The following PABPC1 variants were observed in gnomAD, a reference collection of about 807,000 sequenced individuals.
PABPC1 encodes polyadenylate-binding protein 1.
Under a neutral mutation model 74.0 loss-of-function variants are expected in PABPC1, and 4 were observed. The observed-to-expected ratio is 0.05, with a 90% confidence interval of 0.03 to 0.12. The LOEUF (loss-of-function observed/expected upper bound fraction) is 0.12, where lower values mean the gene tolerates loss of function less well. Among genes scored for constraint, PABPC1 ranks in the 10% least tolerant of loss-of-function variants. The pLI, the probability that PABPC1 is intolerant of heterozygous loss-of-function variation, is 1.00. For synonymous variants in PABPC1, 227 were observed against 264.1 expected (o/e 0.86, Z 1.36); for missense variants, 271 against 821.1 (o/e 0.33, Z 8.19).
rs1299242602 is a variant in PABPC1, at chr8:100,704,499, G to GA, written c.1819-110dup. On this transcript the variant is annotated intron_variant, in intron 13 of 14. Transcript: ENST00000318607. ...CAAAGATAAGTTTCTTCCCTCAAATGAAAGTATAAATTGTTACACTAAACA... is the reference window on the plus strand; with the variant it reads ...CAAAGATAAGTTTCTTCCCTCAAATGAAAAGTATAAATTGTTACACTAAACA... 20 of 940,232 alleles carry GA rather than the reference G, an allele frequency of 2.1e-5. No individual in the cohort carries two copies. In the Admixed American group the frequency reaches 2.3e-4, roughly 11 times the overall value. 58.2% of individuals were successfully genotyped at this position (940,232 alleles called of 1,614,324 possible).
At chr8:100,718,365 T>G in intron 1 of PABPC1, 85 bp from the exon 2 acceptor site, 1 of 1,071,390 alleles carries the variant, frequency 9.3e-7, no homozygotes, top group South Asian at 1.5e-5. Flanking sequence ...GTGACTGGAG[T>G]GGGAGGACAC....
chr8:100,719,249 A>T (rs1587169667), intron 1 of PABPC1, among the ~76,000 whole-genome samples: 1 of 152,282 alleles, frequency 6.6e-6, no homozygotes, highest in East Asian at 1.9e-4. Flanking sequence ...ATTCCATGCC[A>T]ATGTAAATTT....
chr8:100,710,578 T>C (rs1360480196), intron 7 of PABPC1, among the ~76,000 whole-genome samples: 1 of 152,228 alleles, frequency 6.6e-6, no homozygotes, highest in Non-Finnish European at 1.5e-5. Context: ...AAATGCCAGG[T>C]AGATTCTGAA....
chr8:100,718,721 A>C (rs970327203), intron 1 of PABPC1, among the ~76,000 whole-genome samples: 1 of 152,224 alleles, frequency 6.6e-6, no homozygotes, highest in Non-Finnish European at 1.5e-5. Flanking sequence ...ACTTCTTCCC[A>C]ACTACTTGCT....
At chr8:100,706,121 A>G (rs991188853) in intron 11 of PABPC1, among the ~76,000 whole-genome samples, 2 of 152,174 alleles carry the variant, frequency 1.3e-5, no homozygotes, top group African/African-American at 4.8e-5. Context: ...CTGGGATTAC[A>G]TAGAGGTGTG....
At chr8:100,704,164 T>C (rs1810320903) in intron 14 of PABPC1, 133 bp downstream of exon 14, 2 of 715,190 alleles carry the variant, frequency 2.8e-6, no homozygotes, top group Non-Finnish European at 2.4e-6. Context: ...CACTTTTCCT[T>C]GAAAAATTAG....
intron 3 of PABPC1, 65 bp downstream of exon 3, chr8:100,717,708 T>A: frequency 1.0e-6 from 1 of 961,428 alleles, no homozygotes; most frequent in Non-Finnish European, 1.6e-6. Context: ...TAACTTAAAA[T>A]GAATGGATTT....
intron 3 of PABPC1, among the ~76,000 whole-genome samples, chr8:100,716,326 G>A (rs1252259496): frequency 2.6e-5 from 4 of 152,128 alleles, no homozygotes; most frequent in African/African-American, 9.7e-5. Context: ...GCTAGAACCC[G>A]GGAGGCAGAG....
At chr8:100,713,775 T>C (rs76693677) in intron 4 of PABPC1, among the ~76,000 whole-genome samples, 7,580 of 152,234 alleles carry the variant, frequency 0.05, 625 homozygotes, top group African/African-American at 0.17. Context: ...GCATGAGCTA[T>C]TGTGCTAAGA....
At chr8:100,716,295 G>A (rs1207293832) in intron 3 of PABPC1, among the ~76,000 whole-genome samples, 1 of 152,148 alleles carries the variant, frequency 6.6e-6, no homozygotes, top group Non-Finnish European at 1.5e-5. Context: ...CACCTACTTG[G>A]GAGGCTGAAG....
intron 1 of PABPC1, among the ~76,000 whole-genome samples, chr8:100,720,733 C>T (rs1038997374): frequency 6.6e-6 from 1 of 152,174 alleles, no homozygotes; most frequent in Non-Finnish European, 1.5e-5. Context: ...GGGGAAACCC[C>T]AAATGCATGT....
At chr8:100,713,054 C>T in intron 5 of PABPC1, 33 bp downstream of exon 5, 1 of 1,431,544 alleles carries the variant, frequency 7.0e-7, no homozygotes, top group Non-Finnish European at 9.7e-7. Context: ...CAACTTTGTA[C>T]CCCCTTCTTC....
Position 100,717,893 on chromosome 8 carries a change from G to T in PABPC1, c.388-5C>A, listed in dbSNP as rs760687916. On this transcript the variant is annotated splice_polypyrimidine_tract_variant and splice_region_variant and intron_variant, in intron 2 of 14. Transcript: ENST00000318607. ...ACCATTTTCATCACAAACCACCTAG[G>T]GAAAAACATATACCCATTTTTCTTT... The T allele has an allele frequency of 6.9e-7, 1 of 1,450,556 alleles. No individual in the cohort carries two copies. Among genetic ancestry groups the T allele is most frequent in the Non-Finnish European group, 9.4e-7 (1 of 1,061,996 alleles). 89.9% of individuals were successfully genotyped at this position (1,450,556 alleles called of 1,614,324 possible).
At chr8:100,706,208 C>A (rs1003083115) in intron 11 of PABPC1, among the ~76,000 whole-genome samples, 1 of 152,222 alleles carries the variant, frequency 6.6e-6, no homozygotes, top group African/African-American at 2.4e-5. Context: ...GTGAATTTCT[C>A]GCTGCTTGTC....
rs1256790006 is a variant in PABPC1, at chr8:100,721,298, C to G, written c.193+93G>C. The G allele has an allele frequency of 1.9e-6, 1 of 538,882 alleles. No homozygotes were observed. The highest frequency in any genetic ancestry group is 2.5e-6 in the Non-Finnish European group (1 of 402,900). 33.4% of individuals were successfully genotyped at this position (538,882 alleles called of 1,614,324 possible). On this transcript the variant is annotated intron_variant, in intron 1 of 14. Transcript: ENST00000318607. This position sits in a 1 kb window ranked among gnomAD's most constrained non-coding sequence, Gnocchi z 7.4. ...CGGGGTGACATGCCCTCCCGCCCCC[C>G]TCCCCGGGCCCGCCGGCCTACCCCG...
chr8:100,704,791 C>T (rs1810338588), intron 13 of PABPC1, 135 bp downstream of exon 13: 3 of 884,382 alleles, frequency 3.4e-6, no homozygotes, highest in Non-Finnish European at 3.4e-6. Flanking sequence ...AATAGCGCCA[C>T]AGGTTATTAT....
chr8:100,707,250 C>T lies in PABPC1; in HGVS notation c.1337-253G>A, dbSNP rs559485208. ...TCGGTGGGCTTCTCCCTGTATGCAG[C>T]GACGAGAGAGTGCAGAAATAAAGAC... On this transcript the variant is annotated intron_variant, in intron 9 of 14. Transcript: ENST00000318607. 1.5e-4 allele frequency: 47 copies of T among 322,950 alleles called. 1 individual carries two copies. The highest frequency in any genetic ancestry group is 9.2e-4 in the African/African-American group (42 of 45,556). 20.0% of individuals were successfully genotyped at this position (322,950 alleles called of 1,614,324 possible). A position where few individuals can be genotyped will look rare whatever the true frequency, so the allele number is the denominator to read the frequency against.
intron 3 of PABPC1, 131 bp downstream of exon 3, chr8:100,717,642 T>G (rs1375702818): frequency 8.1e-6 from 5 of 618,214 alleles, no homozygotes; most frequent in Non-Finnish European, 1.4e-5. Context: ...TTATTCATCT[T>G]TAAAATGTTT....
At chr8:100,704,151 T>A in intron 14 of PABPC1, 146 bp downstream of exon 14, 1 of 677,804 alleles carries the variant, frequency 1.5e-6, no homozygotes, top group Non-Finnish European at 2.6e-6. Context: ...CTATAGTTAG[T>A]TCCACTTTTC....
Sources: allele counts gnomAD v4.1 joint callset (sites outside exome capture counted in the v4.1 genomes callset), GRCh38; gene constraint gnomAD v4.1.1; non-coding constraint Gnocchi (gnomAD v3.1); transcripts MANE v1.5; gene names NCBI Gene and HGNC (gene_info 2026-07-23, HGNC 2026-07-21).